LRRC9: variants seen among roughly 807,000 people sequenced by gnomAD.
LRRC9 encodes the protein leucine rich repeat containing 9.
LRRC9 carries 122 observed loss-of-function variants against 63.2 expected under a neutral mutation model. The observed-to-expected ratio is 1.93, with a 90% CI of 1.67 to 2.24. The LOEUF (loss-of-function observed/expected upper bound fraction) is 2.24. Ranked by LOEUF, LRRC9 falls within the 30% of genes most tolerant of loss-of-function variation. The pLI is 0.00. For synonymous variants in LRRC9, 366 were observed against 213.1 expected, an observed-to-expected ratio of 1.72 and a Z score of -6.25; for missense variants, 1,071 against 627.7, an observed-to-expected ratio of 1.71 and a Z score of -7.55.
intron 30 of LRRC9, 120 bp from the exon 31 acceptor site, chr14:60,057,758 G>A: frequency 2.3e-6 from 1 of 438,316 alleles, no homozygotes; most frequent in Non-Finnish European, 4.1e-6. Flanking sequence ...GTTTAGGCAA[G>A]CAGGTAGCTC....
chr14:59,979,981 A>T (rs1886755359), intron 15 of LRRC9, among the ~76,000 whole-genome samples: 1 of 151,046 alleles, frequency 6.6e-6, no homozygotes, highest in Non-Finnish European at 1.5e-5. Context: ...AATAAAATTA[A>T]AAAAAAGAAA....
intron 23 of LRRC9, among the ~76,000 whole-genome samples, chr14:60,015,479 A>G (rs1457443797): frequency 1.3e-5 from 2 of 152,146 alleles, no homozygotes; most frequent in Non-Finnish European, 2.9e-5. Context: ...GGGAGATAGA[A>G]GTTCAAATTC....
chr14:59,959,125 G>C (rs1416889241), intron 8 of LRRC9, among the ~76,000 whole-genome samples: 2 of 152,206 alleles, frequency 1.3e-5, no homozygotes, highest in Non-Finnish European at 2.9e-5. Context: ...TTAGACAAAA[G>C]AGGTTCTTGC....
intron 28 of LRRC9, among the ~76,000 whole-genome samples, chr14:60,029,505 T>C (rs1311263186): frequency 6.6e-6 from 1 of 152,172 alleles, no homozygotes; most frequent in Non-Finnish European, 1.5e-5. Flanking sequence ...CAGGCAGTCC[T>C]TAATCAAGAA....
intron 23 of LRRC9, among the ~76,000 whole-genome samples, chr14:60,013,178 G>A (rs932275545): frequency 3.8e-4 from 54 of 142,514 alleles, no homozygotes; most frequent in African/African-American, 1.4e-3. Context: ...AACAAGAGAA[G>A]CAGAACTAGT....
At position 59,923,657 on chromosome 14, in the gene LRRC9, C is replaced by T. The variant is rs143224495; in HGVS notation, c.-34+3774C>T. 2.5e-3 allele frequency among the ~76,000 whole-genome samples: 378 copies of T among 152,270 alleles called. 1 individual carries two copies. Among genetic ancestry groups the T allele is most frequent in the African/African-American group, 8.8e-3 (366 of 41,544 alleles). On this transcript the variant is annotated intron_variant, in intron 1 of 31. Coordinates refer to ENST00000445360, the Ensembl canonical transcript of LRRC9. This position sits in a 1 kb window ranked among gnomAD's most constrained non-coding sequence, Gnocchi z 4.2. ...AGTAATTAAAACAGATACAGTCAGG[C>T]GAGGTGGCTCACGCCTGTAGGCTCA...
In LRRC9 at chr14:60,016,729, C is replaced by T. The variant is rs897492166; in HGVS notation, c.3256C>T (p.Arg1086Ter). Residue 1086 changes from arginine (R) to a stop codon, truncating the protein, a stop_gained, in exon 24 of 32, where the codon CGA becomes TGA. Transcript: ENST00000445360. LOFTEE classifies it high-confidence loss of function. ...ACTTACTTCTGACATGATTGCAGAA[C>T]GACAAGGACATTCCAACTTCAAACA... The T allele has an allele frequency of 6.1e-5, 43 of 700,734 alleles. No individual in the cohort carries two copies. Among genetic ancestry groups the T allele is most frequent in the Middle Eastern group, 2.3e-4 (1 of 4,374 alleles). 43.4% of individuals were successfully genotyped at this position (700,734 alleles called of 1,614,324 possible). A position where few individuals can be genotyped will look rare whatever the true frequency, so the allele number is the denominator to read the frequency against.
At chr14:60,063,984 C>G (rs1403139736), downstream of LRRC9, among the ~76,000 whole-genome samples, 1 of 152,082 alleles carries the variant, frequency 6.6e-6, no homozygotes, top group East Asian at 1.9e-4. Flanking sequence ...ATAGTAGTTT[C>G]TAAATGTGGC....
intron 29 of LRRC9, among the ~76,000 whole-genome samples, chr14:60,034,921 A>G (rs1310205531): frequency 1.3e-5 from 2 of 152,150 alleles, no homozygotes; most frequent in African/African-American, 4.8e-5. Context: ...AGGAACCTCC[A>G]TACTGTTTAC....
At chr14:59,957,640 A>C (rs1021139660) in intron 8 of LRRC9, among the ~76,000 whole-genome samples, 6 of 152,084 alleles carry the variant, frequency 3.9e-5, no homozygotes, top group African/African-American at 1.2e-4. Context: ...TTAATTCATC[A>C]GTCTCATTCT....
chr14:59,993,444 T>G (rs1888391773), intron 17 of LRRC9, among the ~76,000 whole-genome samples: 1 of 152,124 alleles, frequency 6.6e-6, no homozygotes, highest in Non-Finnish European at 1.5e-5. Context: ...AATGACAGGA[T>G]CAAATTCACA....
intron 17 of LRRC9, among the ~76,000 whole-genome samples, chr14:59,988,720 G>C (rs923232130): frequency 6.6e-6 from 1 of 151,864 alleles, no homozygotes; most frequent in African/African-American, 2.4e-5. Flanking sequence ...CTTATGCTCT[G>C]TACACTCTCC....
chr14:60,007,281 AG>A (rs1288528116), intron 22 of LRRC9, among the ~76,000 whole-genome samples: 1 of 152,184 alleles, frequency 6.6e-6, no homozygotes, highest in Non-Finnish European at 1.5e-5. Context: ...TTCTAGAGCT[AG>A]GGAGGCAACC....
chr14:60,024,798 G>A (rs1367396539), intron 27 of LRRC9, among the ~76,000 whole-genome samples: 1 of 151,940 alleles, frequency 6.6e-6, no homozygotes, highest in Non-Finnish European at 1.5e-5. Context: ...GTATCCAATA[G>A]GTAATTTTTC....
In LRRC9 at chr14:60,053,001, A is replaced by G; in HGVS notation, c.3991-64A>G. The G allele has an allele frequency of 3.1e-6, 2 of 654,734 alleles. No homozygotes were observed. Among genetic ancestry groups the G allele is most frequent in the Non-Finnish European group, 2.8e-6 (1 of 360,510 alleles). The allele number at this position is 654,734 out of a possible 1,614,324, so 40.6% of individuals were successfully genotyped here. A position where few individuals can be genotyped will look rare whatever the true frequency, so the allele number is the denominator to read the frequency against. On this transcript the variant is annotated intron_variant, in intron 29 of 31. Coordinates refer to ENST00000445360, the Ensembl canonical transcript of LRRC9. This position sits in a 1 kb window ranked among gnomAD's most constrained non-coding sequence, Gnocchi z 4.8. Reference sequence around the variant, plus strand: ...TTGCCTATGCTAAATTTCCTTCTCTATACAGGTTAATCTTTGAAATAAAAG... The same window carrying G: ...TTGCCTATGCTAAATTTCCTTCTCTGTACAGGTTAATCTTTGAAATAAAAG...
chr14:59,996,446 A>G (rs1334784932), intron 17 of LRRC9, among the ~76,000 whole-genome samples: 1 of 152,214 alleles, frequency 6.6e-6, no homozygotes, highest in Non-Finnish European at 1.5e-5. Flanking sequence ...GGAATGACTA[A>G]TTCCATTCTG....
chr14:59,925,120 G>T (rs972226423), intron 1 of LRRC9, among the ~76,000 whole-genome samples: 1 of 152,068 alleles, frequency 6.6e-6, no homozygotes, highest in African/African-American at 2.4e-5. Context: ...AAGAGTCAAT[G>T]AATGAACAAA....
chr14:60,024,481 T>C (rs1404489567), intron 27 of LRRC9, among the ~76,000 whole-genome samples: 1 of 152,034 alleles, frequency 6.6e-6, no homozygotes, highest in Non-Finnish European at 1.5e-5. Context: ...AAGGCAGGTA[T>C]ATCCATCAGT....
At chr14:59,921,983 C>A (rs1888821256) in intron 1 of LRRC9, among the ~76,000 whole-genome samples, 1 of 151,614 alleles carries the variant, frequency 6.6e-6, no homozygotes, top group African/African-American at 2.4e-5. Context: ...ACTTGGGAGG[C>A]TGAGGCAGAA....
Sources: gnomAD v4.1 joint callset for allele counts (sites outside exome capture counted in the v4.1 genomes callset) on GRCh38, gnomAD v4.1.1 for gene constraint, Gnocchi (gnomAD v3.1) non-coding constraint, MANE v1.5 for transcripts, NCBI Gene and HGNC (gene_info 2026-07-23, HGNC 2026-07-21) for gene names.